The following SSBP2 variants were observed in gnomAD, a reference collection of about 807,000 sequenced individuals.
SSBP2 encodes single stranded DNA binding protein 2.
In SSBP2, 17 loss-of-function variants were observed where a neutral mutation model predicts 61.8. The observed-to-expected ratio is 0.28, with a 90% CI of 0.19 to 0.41. The LOEUF is 0.41. SSBP2 is among the 10% of genes least tolerant of loss of function. The pLI, the probability that SSBP2 is intolerant of heterozygous loss-of-function variation, is 1.00. For synonymous variants in SSBP2, 139 were observed against 141.3 expected (o/e 0.98, Z 0.12); for missense variants, 310 against 458.7 (o/e 0.68, Z 2.96).
chr5:81,732,051 C>A (rs1356394772), intron 1 of SSBP2, among the ~76,000 whole-genome samples: 1 of 151,908 alleles, frequency 6.6e-6, no homozygotes, highest in Non-Finnish European at 1.5e-5. Flanking sequence ...ATATCATCCA[C>A]CTATGTTAAT....
chr5:81,622,086 C>A (rs1156457185), intron 3 of SSBP2, among the ~76,000 whole-genome samples: 1 of 141,782 alleles, frequency 7.1e-6, no homozygotes, highest in African/African-American at 2.7e-5. Context: ...TGCACATGTA[C>A]CCTAAAACTT....
At chr5:81,629,280 T>A (rs1361493149) in intron 3 of SSBP2, among the ~76,000 whole-genome samples, 1 of 152,164 alleles carries the variant, frequency 6.6e-6, no homozygotes, top group Admixed American at 6.5e-5. Context: ...CCACCACACC[T>A]GGACCCTCTT....
chr5:81,681,234 A>C (rs557228826), intron 1 of SSBP2, among the ~76,000 whole-genome samples: 1 of 152,054 alleles, frequency 6.6e-6, no homozygotes, highest in Non-Finnish European at 1.5e-5. Context: ...AAAAATGAAA[A>C]TATGGTCAGG....
intron 4 of SSBP2, among the ~76,000 whole-genome samples, chr5:81,583,591 C>T (rs1774844394): frequency 6.7e-6 from 1 of 148,296 alleles, no homozygotes; most frequent in African/African-American, 2.5e-5. Flanking sequence ...GATTGCGCCA[C>T]TGCACTCCAG....
At chr5:81,669,729 C>G (rs1349195555) in intron 1 of SSBP2, among the ~76,000 whole-genome samples, 1 of 151,748 alleles carries the variant, frequency 6.6e-6, no homozygotes. Flanking sequence ...ATGCCACATG[C>G]ATACCTATGT....
chr5:81,442,887 AC>A, intron 12 of SSBP2, 164 bp from the exon 13 acceptor site: 1 of 402,450 alleles, frequency 2.5e-6, no homozygotes, highest in Non-Finnish European at 4.5e-6. Context: ...TCATTTTCTG[AC>A]CCCAAAATTG....
intron 4 of SSBP2, among the ~76,000 whole-genome samples, chr5:81,539,216 G>C (rs1771052625): frequency 6.6e-6 from 1 of 152,170 alleles, no homozygotes; most frequent in African/African-American, 2.4e-5. Flanking sequence ...TTCAAGACTT[G>C]AGTGGAAGAA....
chr5:81,674,677 T>C (rs1751824011), intron 1 of SSBP2, among the ~76,000 whole-genome samples: 1 of 152,194 alleles, frequency 6.6e-6, no homozygotes, highest in Non-Finnish European at 1.5e-5. Flanking sequence ...TTGAATCCTT[T>C]TAACCTAATC....
At chr5:81,456,610 A>G (rs1336574067) in intron 10 of SSBP2, among the ~76,000 whole-genome samples, 2 of 152,156 alleles carry the variant, frequency 1.3e-5, no homozygotes, top group Non-Finnish European at 2.9e-5. Context: ...AAAAAAAAGA[A>G]AAATTACAAT....
intron 4 of SSBP2, among the ~76,000 whole-genome samples, chr5:81,543,109 C>T (rs890975613): frequency 5.9e-5 from 9 of 152,146 alleles, no homozygotes; most frequent in African/African-American, 1.7e-4. Flanking sequence ...CCTGCTTCGG[C>T]CTCCCAAAGT....
chr5:81,452,622 G>T (rs897692009), intron 10 of SSBP2, among the ~76,000 whole-genome samples: 1 of 152,288 alleles, frequency 6.6e-6, no homozygotes, highest in Middle Eastern at 3.4e-3. Flanking sequence ...ACTGGGTGTG[G>T]CAGACAAAGA....
chr5:81,576,098 T>C (rs1006749736), intron 4 of SSBP2, among the ~76,000 whole-genome samples: 5 of 152,092 alleles, frequency 3.3e-5, no homozygotes, highest in Non-Finnish European at 7.4e-5. Context: ...ATTACTTAGC[T>C]AGTTTGTGCA....
At chr5:81,575,746 T>C (rs944557499) in intron 4 of SSBP2, among the ~76,000 whole-genome samples, 4 of 152,128 alleles carry the variant, frequency 2.6e-5, no homozygotes, top group African/African-American at 9.7e-5. Context: ...GCCTTAAATA[T>C]GAGGCTGTAG....
At chr5:81,718,106 C>T (rs1260512608) in intron 1 of SSBP2, among the ~76,000 whole-genome samples, 1 of 151,938 alleles carries the variant, frequency 6.6e-6, no homozygotes, top group African/African-American at 2.4e-5. Flanking sequence ...ACCTTAATAC[C>T]CACCCAGACT....
chr5:81,461,231 ACT>A (rs1764516913), intron 9 of SSBP2, 128 bp from the exon 10 acceptor site: 2 of 613,086 alleles, frequency 3.3e-6, no homozygotes, highest in South Asian at 3.4e-5. Context: ...CACTGAAATT[ACT>A]CTCTTTATAT....
chr5:81,597,973 G>A (rs1360289500), intron 4 of SSBP2, among the ~76,000 whole-genome samples: 5 of 151,514 alleles, frequency 3.3e-5, no homozygotes, highest in South Asian at 4.2e-4. Flanking sequence ...AAACCTGCAC[G>A]TTGTGCACAT....
intron 4 of SSBP2, among the ~76,000 whole-genome samples, chr5:81,583,456 C>T (rs1047171547): frequency 1.1e-4 from 17 of 151,698 alleles, no homozygotes; most frequent in South Asian, 6.2e-4. Context: ...GGTGAAACCC[C>T]GTCTCTACTA....
intron 1 of SSBP2, among the ~76,000 whole-genome samples, chr5:81,664,425 C>T (rs147875897): frequency 6.6e-5 from 10 of 152,170 alleles, no homozygotes; most frequent in Admixed American, 6.5e-4. Flanking sequence ...CCACCGCACC[C>T]TTTTTGGTCT....
intron 1 of SSBP2, among the ~76,000 whole-genome samples, chr5:81,694,226 TAGTC>T (rs1347222575): frequency 2.6e-5 from 4 of 152,116 alleles, no homozygotes; most frequent in East Asian, 1.9e-4. Context: ...GGTACAAAAA[TAGTC>T]AGAATGAATA....
Sources: allele counts gnomAD v4.1 joint callset (sites outside exome capture counted in the v4.1 genomes callset), GRCh38; gene constraint gnomAD v4.1.1; transcripts MANE v1.5; gene names NCBI Gene and HGNC (gene_info 2026-07-23, HGNC 2026-07-21).